The following CHEK1 variants were observed in gnomAD, a reference collection of about 807,000 sequenced individuals.
CHEK1 encodes the protein serine/threonine-protein kinase Chk1.
CHEK1 carries 32 observed loss-of-function variants against 60.2 expected under a neutral mutation model. That is an observed-to-expected ratio of 0.53 (90% confidence interval 0.40 to 0.71). The LOEUF (loss-of-function observed/expected upper bound fraction) is 0.71. Among genes scored for constraint, CHEK1 ranks in the 30% least tolerant of loss-of-function variants. The probability of loss-of-function intolerance (pLI) is 0.00; values close to 1 mark genes in which losing one functional copy is unlikely to be tolerated. For missense variants in CHEK1, 399 were observed against 564.6 expected, an observed-to-expected ratio of 0.71 and a Z score of 2.97; for synonymous variants, 179 against 187.2, an observed-to-expected ratio of 0.96 and a Z score of 0.36.
At chr11:125,651,228 A>G (rs1941714648) in intron 11 of CHEK1, among the ~76,000 whole-genome samples, 1 of 151,832 alleles carries the variant, frequency 6.6e-6, no homozygotes. Context: ...AACGCTACTC[A>G]GGAGTAGCTT....
rs1235097713 is a variant in CHEK1, at chr11:125,644,114, G to A, written c.947G>A (p.Ser316Asn). The A allele has an allele frequency of 6.2e-7, 1 of 1,612,070 alleles. No homozygotes were observed. Among genetic ancestry groups the A allele is most frequent in the Non-Finnish European group, 8.5e-7 (1 of 1,179,566 alleles). Residue 316 changes from serine to asparagine, a missense_variant, in exon 10 of 13, where the codon AGT becomes AAT. By Grantham distance (46) the Ser-to-Asn change is conservative. This residue lies in a region of CHEK1 where 370 missense variants were observed against 494.8 expected (regional missense o/e 0.75). Coordinates refer to ENST00000438015, the MANE Select transcript of CHEK1 (RefSeq NM_001114122.3). ...ASSEENVKYSSSQPEPRTGLS... is the reference protein window; with the variant it reads ...ASSEENVKYSNSQPEPRTGLS... ...AGTGAAGAAAATGTGAAGTACTCCA[G>A]TTCTCAGCCAGAACCCCGCACAGGT...
At position 125,653,369 on chromosome 11, in the gene CHEK1, C is replaced by T. The variant is rs1941801922; in HGVS notation, c.1234-377C>T. ...AGCTGGGCCTGTAGGCATGCACCAC[C>T]ATGCCCGCTAATTTTTTGGGAATTT... On this transcript the variant is annotated intron_variant, in intron 11 of 12. Transcript: ENST00000438015. The surrounding 1 kb of genome is among the most constrained non-coding windows in gnomAD (Gnocchi z 4.3). Among the ~76,000 whole-genome samples the T allele has an allele frequency of 6.6e-6, 1 of 152,176 alleles. No homozygotes were observed. Among genetic ancestry groups the T allele is most frequent in the Non-Finnish European group, 1.5e-5 (1 of 68,042 alleles).
intron 13 of CHEK1, chr11:125,672,530 G>A (rs1046892982): frequency 6.3e-7 from 1 of 1,591,170 alleles, no homozygotes; most frequent in African/African-American, 1.4e-5. Flanking sequence ...AATATAAAAT[G>A]AGCCAAATAG....
At chr11:125,674,783 A>G (rs944541689) in intron 13 of CHEK1, among the ~76,000 whole-genome samples, 1 of 152,094 alleles carries the variant, frequency 6.6e-6, no homozygotes, top group African/African-American at 2.4e-5. Context: ...AATGCATATC[A>G]TACTGTCTGG....
downstream of CHEK1, among the ~76,000 whole-genome samples, chr11:125,680,570 C>T (rs1303340473): frequency 6.6e-6 from 1 of 152,206 alleles, no homozygotes; most frequent in East Asian, 1.9e-4. Context: ...GAGAAATCAA[C>T]TGGTTCAGGA....
In CHEK1 at chr11:125,651,475, A is replaced by G. The variant is rs546396053; in HGVS notation, c.1234-2271A>G. 6.2e-4 allele frequency among the ~76,000 whole-genome samples: 94 copies of G among 152,064 alleles called. 1 individual carries two copies. The Middle Eastern group carries it at 0.017, about 28-fold the overall frequency. On this transcript the variant is annotated intron_variant, in intron 11 of 12. Coordinates refer to ENST00000438015, the MANE Select transcript of CHEK1 (RefSeq NM_001114122.3). ...ACTAATTTTTGTATTTTTAGTACAG[A>G]CAGGGTTTCACCATGTTGGTCAGGC...
chr11:125,637,938 G>C (rs914118687), intron 8 of CHEK1, among the ~76,000 whole-genome samples: 6 of 152,222 alleles, frequency 3.9e-5, no homozygotes, highest in African/African-American at 9.6e-5. Flanking sequence ...AGATCAGTAT[G>C]GCACAAGCCG....
At chr11:125,650,605 T>C (rs997612133) in intron 11 of CHEK1, among the ~76,000 whole-genome samples, 3 of 152,016 alleles carry the variant, frequency 2.0e-5, no homozygotes, top group African/African-American at 2.4e-5. Context: ...TACAGGCACC[T>C]GCCACTGTGC....
At chr11:125,651,838 A>T (rs1941749440) in intron 11 of CHEK1, among the ~76,000 whole-genome samples, 1 of 152,222 alleles carries the variant, frequency 6.6e-6, no homozygotes, top group African/African-American at 2.4e-5. Context: ...ATGTTCTGAA[A>T]AAGTTGATTC....
At chr11:125,660,053 T>TGC (rs1437650172), downstream of CHEK1, among the ~76,000 whole-genome samples, 9 of 152,208 alleles carry the variant, frequency 5.9e-5, no homozygotes, top group African/African-American at 2.2e-4. Flanking sequence ...AATTTTCGTG[T>TGC]GCGTGTGTGT....
downstream of CHEK1, among the ~76,000 whole-genome samples, chr11:125,678,978 T>TTTTATATA (rs1555078664): frequency 2.3e-5 from 2 of 88,434 alleles, no homozygotes; most frequent in East Asian, 6.0e-4. Flanking sequence ...TCTAGGCATA[T>TTTTATATA]TATATATATA....
chr11:125,672,626 G>A, intron 13 of CHEK1: 1 of 1,614,098 alleles, frequency 6.2e-7, no homozygotes, highest in South Asian at 1.1e-5. Flanking sequence ...GATTTCGACA[G>A]CATATAATTT....
At chr11:125,643,929 T>G in intron 9 of CHEK1, 29 bp downstream of exon 9, 1 of 1,584,144 alleles carries the variant, frequency 6.3e-7, no homozygotes, top group Non-Finnish European at 8.7e-7. Context: ...GAGTAGTTTT[T>G]GATTGTAGTA....
Position 125,635,492 on chromosome 11 carries a change from C to A in CHEK1, c.677C>A (p.Thr226Lys). 6.2e-7 allele frequency: 1 copy of A among 1,607,110 alleles called. No individual in the cohort carries two copies. The highest frequency in any genetic ancestry group is 8.5e-7 in the Non-Finnish European group (1 of 1,176,584). Residue 226 changes from threonine (T) to lysine (K), a missense_variant, in exon 7 of 13, where the codon ACA becomes AAA. By Grantham distance (78) the Thr-to-Lys change is moderately conservative. Around this residue, in one of 2 missense-constraint regions of CHEK1, gnomAD observed 370 missense variants for 494.8 expected, o/e 0.75. Coordinates refer to ENST00000438015, the MANE Select transcript of CHEK1 (RefSeq NM_001114122.3). The stretch of plus-strand genomic sequence containing the variant: ...TATTCTGACTGGAAAGAAAAAAAAA[C>A]ATACCTCAACCCTTGGAAAAAAATC... ...QEYSDWKEKKTYLNPWKKIDS... is the reference protein window; with the variant it reads ...QEYSDWKEKKKYLNPWKKIDS...
intron 11 of CHEK1, among the ~76,000 whole-genome samples, chr11:125,652,814 AATGGGAATGTTCAGTG>A (rs1213485138): frequency 1.5e-4 from 23 of 152,156 alleles, no homozygotes; most frequent in African/African-American, 4.3e-4. Flanking sequence ...ACATTGTGGG[AATGGGAATGTTCAGTG>A]ATGGGAATGT....
rs149857578 is a variant in CHEK1, at chr11:125,644,619, A to G, written c.1209A>G (p.Gln403=). The G allele has an allele frequency of 9.9e-6, 16 of 1,614,010 alleles. No individual in the cohort carries two copies. The African/African-American group carries it at 1.3e-4, about 13-fold the overall frequency. The change falls in exon 11 of 13, where the codon CAA becomes CAG. Residue 403 remains glutamine (Q), a synonymous_variant. Coordinates refer to ENST00000438015, the MANE Select transcript of CHEK1 (RefSeq NM_001114122.3). Reference sequence around the variant, plus strand: ...AGACTTGTGAGAAGTTGGGCTATCAATGGAAGAAAAGTTGTATGAATCAGG... The same window carrying G: ...AGACTTGTGAGAAGTTGGGCTATCAGTGGAAGAAAAGTTGTATGAATCAGG... ...LKETCEKLGY[Q]WKKSCMNQVT... is the part of the protein sequence containing the mutation.
chr11:125,632,484 C>A (rs925819972), intron 5 of CHEK1, among the ~76,000 whole-genome samples: 2 of 152,166 alleles, frequency 1.3e-5, no homozygotes, highest in African/African-American at 4.8e-5. Context: ...TGTCAGTCTT[C>A]ACTAATTTAT....
intron 1 of CHEK1, 171 bp from the exon 2 acceptor site, chr11:125,626,578 C>T (rs756427068): frequency 5.1e-6 from 3 of 588,686 alleles, no homozygotes; most frequent in Non-Finnish European, 9.1e-6. Flanking sequence ...ACAAAATGGT[C>T]AGGTTTAGAA....
rs761508317 is a variant in CHEK1, at chr11:125,625,844, C to A, written c.-189C>A. ...CCCTGGGCGGGAGCGGCAACATCTC[C>A]ACGTCACCCTTTTGGAGCCGCCGAC... On this transcript the variant is annotated 5_prime_UTR_variant, in exon 1 of 13. Coordinates refer to ENST00000438015, the MANE Select transcript of CHEK1 (RefSeq NM_001114122.3). 1.1e-4 allele frequency: 77 copies of A among 702,630 alleles called. No homozygotes were observed. The highest frequency in any genetic ancestry group is 4.6e-4 in the South Asian group (31 of 67,606). The allele number at this position is 702,630 out of a possible 1,614,324, so 43.5% of individuals were successfully genotyped here. A position where few individuals can be genotyped will look rare whatever the true frequency, so the allele number is the denominator to read the frequency against.
Sources: allele counts gnomAD v4.1 joint callset (sites outside exome capture counted in the v4.1 genomes callset), GRCh38; gene constraint gnomAD v4.1.1; regional missense constraint gnomAD v4.1.1; non-coding constraint Gnocchi (gnomAD v3.1); transcripts MANE v1.5; gene names NCBI Gene and HGNC (gene_info 2026-07-23, HGNC 2026-07-21).